EXT2: variants seen among roughly 807,000 people sequenced by gnomAD.
EXT2 encodes exostosin glycosyltransferase 2.
Under a neutral mutation model 81.6 loss-of-function variants are expected in EXT2, and 53 were observed. That is an observed-to-expected ratio of 0.65 (90% CI 0.52 to 0.82). The LOEUF is 0.82. EXT2 is among the 40% of genes least tolerant of loss of function. EXT2 has a pLI of 0.00. For synonymous variants in EXT2, 320 were observed against 340.0 expected, an observed-to-expected ratio of 0.94 and a Z score of 0.65; for missense variants, 774 against 910.2, an observed-to-expected ratio of 0.85 and a Z score of 1.93.
At chr11:44,120,931 C>CTA (rs576534657) in intron 4 of EXT2, among the ~76,000 whole-genome samples, 167 of 152,314 alleles carry the variant, frequency 1.1e-3, no homozygotes, top group South Asian at 3.5e-3. Context: ...GACATGAAAG[C>CTA]TATAGCTAGT....
rs1408945391 is a variant in EXT2, at chr11:44,117,573, T to C, written c.743+3272T>C. On this transcript the variant is annotated intron_variant, in intron 4 of 13. Coordinates refer to ENST00000533608, the MANE Select transcript of EXT2 (RefSeq NM_207122.2). ...CACCACTGGTTGAAAAAACAAGTCT[T>C]CTTCTATTGAATGGTCTTGGTACCC... 3.3e-5 allele frequency among the ~76,000 whole-genome samples: 5 copies of C among 152,326 alleles called. No individual in the cohort carries two copies. The East Asian group carries it at 9.6e-4, about 29-fold the overall frequency.
At position 44,197,833 on chromosome 11, in the gene EXT2, G is replaced by A. The variant is rs772430118; in HGVS notation, c.1310G>A (p.Trp437Ter). ...EEWNDPPAVK[W>*]GSVSNPLFLP... ...TGTTAATCTGTCCTCTTGTAGAAGT[G>A]GGGCAGCGTGAGCAATCCACTCTTC... The change falls in exon 9 of 14, where the codon TGG becomes TAG. Residue 437 changes from tryptophan to a stop codon, truncating the protein, a stop_gained. Transcript: ENST00000533608. LOFTEE classifies it high-confidence loss of function. 1 of 1,613,930 alleles carries A rather than the reference G, an allele frequency of 6.2e-7. No individual in the cohort carries two copies. The highest frequency in any genetic ancestry group is 8.5e-7 in the Non-Finnish European group (1 of 1,179,908).
At chr11:44,159,962 G>A (rs939773482) in intron 7 of EXT2, among the ~76,000 whole-genome samples, 12 of 152,192 alleles carry the variant, frequency 7.9e-5, no homozygotes, top group African/African-American at 2.9e-4. Context: ...ACCCTAACAG[G>A]TTAGGCTCTT....
Position 44,126,872 on chromosome 11 carries a change from C to A in EXT2, c.996C>A (p.Ser332Arg), listed in dbSNP as rs142692757. The A allele has an allele frequency of 1.9e-6, 3 of 1,614,114 alleles. No individual in the cohort carries two copies. Among genetic ancestry groups the A allele is most frequent in the Middle Eastern group, 1.6e-4 (1 of 6,062 alleles). Residue 332 changes from serine to arginine, a missense_variant, in exon 6 of 14, where the codon AGC becomes AGA. By Grantham distance (110) the Ser-to-Arg change is moderately radical (BLOSUM62 -1). This residue lies in a region of EXT2 where 626 missense variants were observed against 670.5 expected (regional missense o/e 0.93). Coordinates refer to ENST00000533608, the MANE Select transcript of EXT2 (RefSeq NM_207122.2). The stretch of plus-strand genomic sequence containing the variant: ...CTCGGCTGGGCCAGGCAGTATTGAG[C>A]GATGTGTTACAAGCTGGCTGTGTCC... Reference protein sequence around the residue: ...RGARLGQAVLSDVLQAGCVPV... With the variant: ...RGARLGQAVLRDVLQAGCVPV...
At chr11:44,195,860 G>A (rs577396657) in intron 8 of EXT2, among the ~76,000 whole-genome samples, 9 of 152,230 alleles carry the variant, frequency 5.9e-5, no homozygotes, top group Admixed American at 2.6e-4. Context: ...TAATGCCACC[G>A]AATTACACAT....
Position 44,247,588 on chromosome 11 carries a change from T to C in EXT2, c.*3301T>C, listed in dbSNP as rs1402538851. On this transcript the variant is annotated 3_prime_UTR_variant, in exon 14 of 14. Transcript: ENST00000533608. The stretch of plus-strand genomic sequence containing the variant: ...TACTCAGTGTCATCAAGTTCAAAGC[T>C]CTGACCACCCTGGTTTCTCTGCCAA... Among the ~76,000 whole-genome samples, 1 of 152,176 alleles carries C rather than the reference T, an allele frequency of 6.6e-6. No individual in the cohort carries two copies.
intron 10 of EXT2, among the ~76,000 whole-genome samples, chr11:44,216,515 A>G (rs1470683022): frequency 6.6e-6 from 1 of 152,184 alleles, no homozygotes; most frequent in African/African-American, 2.4e-5. Context: ...TGGAGGAGAG[A>G]GAGCCGAATA....
intron 8 of EXT2, among the ~76,000 whole-genome samples, chr11:44,190,023 T>C (rs1406527648): frequency 2.0e-5 from 3 of 152,206 alleles, no homozygotes; most frequent in Non-Finnish European, 2.9e-5. Context: ...AACATAAATA[T>C]CATCTCACCA....
intron 8 of EXT2, among the ~76,000 whole-genome samples, chr11:44,191,371 G>T (rs528071186): frequency 7.2e-5 from 11 of 152,310 alleles, no homozygotes; most frequent in Non-Finnish European, 1.3e-4. Context: ...GAGTGAACAG[G>T]TTCATCCAGT....
intron 4 of EXT2, chr11:44,116,352 CCTTT>C (rs1433755208): frequency 2.0e-5 from 3 of 152,190 alleles, no homozygotes; most frequent in African/African-American, 7.2e-5. Flanking sequence ...ATCAGTACTT[CCTTT>C]GTTTTTTGGC....
rs567830977 is a variant in EXT2 at position 44,244,581 on chromosome 11, T to C, written c.*294T>C. On this transcript the variant is annotated 3_prime_UTR_variant, in exon 14 of 14. Coordinates refer to ENST00000533608, the MANE Select transcript of EXT2 (RefSeq NM_207122.2). ...CTCCAGATTTAAATCCAGCTGAGGC[T>C]CCCTTTGTTTTCAGTTCCATGTAAC... 1.1e-4 allele frequency: 49 copies of C among 453,636 alleles called. No individual in the cohort carries two copies. The highest frequency in any genetic ancestry group is 1.1e-3 in the South Asian group (46 of 42,630). 28.1% of individuals were successfully genotyped at this position (453,636 alleles called of 1,614,324 possible).
intron 4 of EXT2, among the ~76,000 whole-genome samples, chr11:44,119,026 C>T (rs551459767): frequency 8.1e-5 from 12 of 148,840 alleles, no homozygotes; most frequent in African/African-American, 3.0e-4. Context: ...CAAGTCAAAC[C>T]TTTATTGAAA....
rs78441624 is a variant in EXT2, at chr11:44,127,901, T to C, written c.1079+946T>C. ...TGTACAGATGGACCCAGTTCCATTC[T>C]ACTGGGTGTTCACCATTTATATTGC... is the stretch of plus-strand genomic sequence containing the variant. On this transcript the variant is annotated intron_variant, in intron 6 of 13. Transcript: ENST00000533608. Among the ~76,000 whole-genome samples, 584 of 152,372 alleles carry C rather than the reference T, an allele frequency of 3.8e-3. 5 individuals are homozygous for C. Among genetic ancestry groups the C allele is most frequent in the African/African-American group, 0.014 (562 of 41,594 alleles).
chr11:44,096,601 G>A (rs1406223862), intron 1 of EXT2, among the ~76,000 whole-genome samples: 1 of 151,996 alleles, frequency 6.6e-6, no homozygotes, highest in Non-Finnish European at 1.5e-5. Context: ...GGGGTGTGTC[G>A]GGCCGGGGCC....
In EXT2 at chr11:44,234,137, A is replaced by G. The variant is rs1460311342; in HGVS notation, c.1829A>G (p.Tyr610Cys). 1.1e-5 allele frequency: 18 copies of G among 1,613,946 alleles called. No individual in the cohort carries two copies. Among genetic ancestry groups the G allele is most frequent in the African/African-American group, 4.0e-5 (3 of 74,900 alleles). The change falls in exon 12 of 14, where the codon TAC becomes TGC. Residue 610 changes from tyrosine (Y) to cysteine (C), a missense_variant. By Grantham distance (194) the Tyr-to-Cys change is radical (BLOSUM62 -2). This residue lies in a region of EXT2 where 148 missense variants were observed against 239.7 expected (regional missense o/e 0.62). Transcript: ENST00000533608. ...CAGTATTTTAATTACCTGTATACCT[A>G]CAAAATGCCTGGGGATATCAAGAAC... is the stretch of plus-strand genomic sequence containing the variant. ...YHKYFNYLYT[Y>C]KMPGDIKNWV...
chr11:44,196,272 A>G (rs1955454956), intron 8 of EXT2, among the ~76,000 whole-genome samples: 1 of 152,220 alleles, frequency 6.6e-6, no homozygotes, highest in Non-Finnish European at 1.5e-5. Flanking sequence ...GTTCAGAAAT[A>G]TGCACTTTGA....
In EXT2 at chr11:44,250,956, TC is replaced by T. The variant is rs1158688148; in HGVS notation, c.*6671del. Among the ~76,000 whole-genome samples, 2 of 152,234 alleles carry T rather than the reference TC, an allele frequency of 1.3e-5. No homozygotes were observed. The highest frequency in any genetic ancestry group is 2.4e-5 in the African/African-American group (1 of 41,460). On this transcript the variant is annotated 3_prime_UTR_variant, in exon 14 of 14. Transcript: ENST00000533608. ...AAAATTGTACATTGGTGGCAGCACC[TC>T]CTATAGGATTTCCAATAGTCTTTCT...
intron 10 of EXT2, among the ~76,000 whole-genome samples, chr11:44,232,001 T>C (rs186955416): frequency 5.8e-4 from 88 of 152,188 alleles, no homozygotes; most frequent in African/African-American, 2.1e-3. Context: ...AGTTGCAGGG[T>C]TCCATTTATC....
At chr11:44,140,262 G>A (rs1954627806) in intron 7 of EXT2, among the ~76,000 whole-genome samples, 1 of 152,194 alleles carries the variant, frequency 6.6e-6, no homozygotes, top group Non-Finnish European at 1.5e-5. Context: ...CCAGCCTGCT[G>A]TCTCTGCCTC....
Sources: allele counts gnomAD v4.1 joint callset (sites outside exome capture counted in the v4.1 genomes callset), GRCh38; gene constraint gnomAD v4.1.1; regional missense constraint gnomAD v4.1.1; transcripts MANE v1.5; gene names NCBI Gene and HGNC (gene_info 2026-07-23, HGNC 2026-07-21).